Variants in UACA observed in about 807,000 individuals in gnomAD.
The protein encoded by UACA is nuclear membrane binding protein.
Under a neutral mutation model 160.5 loss-of-function variants are expected in UACA, and 112 were observed. That is an observed-to-expected ratio of 0.70 (90% confidence interval 0.60 to 0.82). The LOEUF (loss-of-function observed/expected upper bound fraction) is 0.82. Ranked by LOEUF, UACA falls within the 40% of genes least tolerant of loss-of-function variation. UACA has a pLI of 0.00. For synonymous variants in UACA, 557 were observed against 568.4 expected (o/e 0.98, Z 0.29); for missense variants, 1,574 against 1,614.6 (o/e 0.97, Z 0.43).
At position 70,686,517 on chromosome 15, in the gene UACA, G is replaced by A. The variant is rs758091584; in HGVS notation, c.602+1023C>T. 2.1e-3 allele frequency among the ~76,000 whole-genome samples: 237 copies of A among 112,036 alleles called. 2 individuals are homozygous for A. The highest frequency in any genetic ancestry group is 0.015 in the Middle Eastern group (3 of 204). 73.5% of individuals were successfully genotyped at this position (112,036 alleles called of 152,430 possible). A position where few individuals can be genotyped will look rare whatever the true frequency, so the allele number is the denominator to read the frequency against. ...TTTTTTTTTTTTTTTTATACTTTAA[G>A]TTTTAGGGTACATGTGCACAATGTG... is the stretch of plus-strand genomic sequence containing the variant. On this transcript the variant is annotated intron_variant, in intron 7 of 18. Coordinates refer to ENST00000322954, the MANE Select transcript of UACA (RefSeq NM_018003.4).
chr15:70,698,953 A>C (rs1420774586), intron 2 of UACA, among the ~76,000 whole-genome samples: 6 of 152,138 alleles, frequency 3.9e-5, no homozygotes, highest in African/African-American at 1.4e-4. Flanking sequence ...CCTCAGTAAC[A>C]AAAAAACAAA....
intron 1 of UACA, among the ~76,000 whole-genome samples, chr15:70,737,062 G>A (rs747954093): frequency 5.9e-5 from 9 of 152,144 alleles, no homozygotes; most frequent in Non-Finnish European, 1.2e-4. Context: ...CAAGGATATT[G>A]AAAATGTTTA....
At chr15:70,764,448 C>G (rs1452680804), upstream of UACA, among the ~76,000 whole-genome samples, 1 of 152,190 alleles carries the variant, frequency 6.6e-6, no homozygotes, top group East Asian at 1.9e-4. Context: ...CAATAATTTG[C>G]TGTTCGGGTG....
chr15:70,667,471 CTGTT>C lies in UACA; in HGVS notation c.3209_3212del (p.Lys1070SerfsTer2), dbSNP rs760248027. ...TGTATTTCTGTGACAAGTCTTTTAA[CTGTT>C]TGTTTAGCTCGTCTGTTTTTCTGCT... On this transcript the variant is annotated frameshift_variant, in exon 16 of 19. Transcript: ENST00000322954. LOFTEE classifies it high-confidence loss of function. 24 of 1,610,190 alleles carry C rather than the reference CTGTT, an allele frequency of 1.5e-5. No individual in the cohort carries two copies. The highest frequency in any genetic ancestry group is 1.7e-5 in the Non-Finnish European group (20 of 1,179,574).
At position 70,679,222 on chromosome 15, in the gene UACA, G is replaced by A. The variant is rs567151199; in HGVS notation, c.891+386C>T. Among the ~76,000 whole-genome samples, 249 of 151,970 alleles carry A rather than the reference G, an allele frequency of 1.6e-3. 1 individual carries two copies. Among genetic ancestry groups the A allele is most frequent in the Non-Finnish European group, 2.9e-3 (196 of 67,944 alleles). The stretch of plus-strand genomic sequence containing the variant: ...GTTCAAGACCAGCCTGGCCAACATG[G>A]TGAAACCCCGTCTCAACTAAAAATA... On this transcript the variant is annotated intron_variant, in intron 10 of 18. Transcript: ENST00000322954.
intron 1 of UACA, among the ~76,000 whole-genome samples, chr15:70,722,290 G>A (rs1274220507): frequency 6.6e-6 from 1 of 150,576 alleles, no homozygotes; most frequent in Non-Finnish European, 1.5e-5. Flanking sequence ...CAAGAGGGAA[G>A]AAAGAGGGAA....
At chr15:70,764,492 C>T (rs187369369), upstream of UACA, among the ~76,000 whole-genome samples, 2 of 152,222 alleles carry the variant, frequency 1.3e-5, no homozygotes, top group African/African-American at 4.8e-5. Context: ...AGTCATTTTT[C>T]CCCCCAGCAA....
intron 1 of UACA, among the ~76,000 whole-genome samples, chr15:70,729,157 A>G (rs1899238337): frequency 6.6e-6 from 1 of 152,182 alleles, no homozygotes; most frequent in Non-Finnish European, 1.5e-5. Context: ...AAATAGAACT[A>G]CCATTCAACC....
At chr15:70,773,046 A>C in the UACA span, among the ~76,000 whole-genome samples, 3 of 144,784 alleles carry the variant, frequency 2.1e-5, no homozygotes, top group Non-Finnish European at 3.1e-5. Context: ...ACTTCATCTC[A>C]AAAAAAAAAA....
chr15:70,689,172 A>G (rs1488148073), intron 5 of UACA, among the ~76,000 whole-genome samples: 1 of 152,162 alleles, frequency 6.6e-6, no homozygotes, highest in Admixed American at 6.5e-5. Context: ...TCAACCTTGC[A>G]GTTAAGGAAG....
At chr15:70,718,989 C>T (rs1449343371) in intron 1 of UACA, among the ~76,000 whole-genome samples, 2 of 150,712 alleles carry the variant, frequency 1.3e-5, no homozygotes, top group Non-Finnish European at 1.5e-5. Context: ...ATTAGATTAG[C>T]TCATTAAAGG....
In UACA at chr15:70,699,571, T is replaced by C. The variant is rs756445577; in HGVS notation, c.168A>G (p.Lys56=). 1.2e-6 allele frequency: 2 copies of C among 1,611,202 alleles called. No homozygotes were observed. Among genetic ancestry groups the C allele is most frequent in the Non-Finnish European group, 1.7e-6 (2 of 1,179,332 alleles). Residue 56 remains lysine (K), a synonymous_variant, in exon 2 of 19, where the codon AAA becomes AAG. Coordinates refer to ENST00000322954, the MANE Select transcript of UACA (RefSeq NM_018003.4). ...DVEKVTSILA[K]KGVNPGKLDV... is the part of the protein sequence containing the mutation. ...CTAGTTTGCCTGGATTGACCCCCTT[T>C]TTAGCAAGGATTGAGGTCACTTTTT...
chr15:70,701,886 A>C (rs762180988), intron 1 of UACA: 1 of 1,613,116 alleles, frequency 6.2e-7, no homozygotes, highest in South Asian at 1.1e-5. Flanking sequence ...CTCTGTTCTT[A>C]GGAGTACAAG....
At chr15:70,740,478 A>T (rs553988122) in intron 1 of UACA, among the ~76,000 whole-genome samples, 1 of 151,552 alleles carries the variant, frequency 6.6e-6, no homozygotes, top group African/African-American at 2.4e-5. Context: ...TCAATCTATC[A>T]ATCAAAAAAT....
the UACA span, among the ~76,000 whole-genome samples, chr15:70,771,423 A>C: frequency 1.3e-5 from 2 of 152,378 alleles, no homozygotes; most frequent in East Asian, 3.9e-4. Flanking sequence ...TAAATTTCTC[A>C]TAAGAGTGTG....
Position 70,666,914 on chromosome 15 carries a change from A to G in UACA, c.3770T>C (p.Val1257Ala), listed in dbSNP as rs1209393544. ...LANLNRKYEE[V>A]CEEVLHAKKK... Reference sequence around the variant, plus strand: ...TTTGGCATGCAAAACTTCCTCACATACTTCCTCATACTTTCTATTCAGATT... The same window carrying G: ...TTTGGCATGCAAAACTTCCTCACATGCTTCCTCATACTTTCTATTCAGATT... Residue 1257 changes from valine (V) to alanine (A), a missense_variant, in exon 16 of 19, where the codon GTA becomes GCA. Physicochemically the swap from Val to Ala is moderately conservative, Grantham distance 64. Coordinates refer to ENST00000322954, the MANE Select transcript of UACA (RefSeq NM_018003.4). 1 of 1,612,584 alleles carries G rather than the reference A, an allele frequency of 6.2e-7. No homozygotes were observed. The highest frequency in any genetic ancestry group is 8.5e-7 in the Non-Finnish European group (1 of 1,179,758).
chr15:70,729,220 A>G (rs1032522014), intron 1 of UACA, among the ~76,000 whole-genome samples: 3 of 152,194 alleles, frequency 2.0e-5, no homozygotes, highest in Non-Finnish European at 2.9e-5. Flanking sequence ...CATTCCACCC[A>G]AAAGACACCG....
At chr15:70,695,146 C>G (rs1218058532) in intron 2 of UACA, 41 bp from the exon 3 acceptor site, 27 of 1,439,576 alleles carry the variant, frequency 1.9e-5, no homozygotes, top group Non-Finnish European at 2.6e-5. Flanking sequence ...AGGAAACAAC[C>G]AAAGGTCACC....
intron 17 of UACA, among the ~76,000 whole-genome samples, chr15:70,664,112 C>A (rs1271131132): frequency 6.6e-6 from 1 of 152,144 alleles, no homozygotes; most frequent in Non-Finnish European, 1.5e-5. Context: ...CTTGCCACTT[C>A]CTTGTAAGTG....
Sources: allele counts gnomAD v4.1 joint callset (sites outside exome capture counted in the v4.1 genomes callset), GRCh38; gene constraint gnomAD v4.1.1; transcripts MANE v1.5; gene names NCBI Gene and HGNC (gene_info 2026-07-23, HGNC 2026-07-21).